WDR49: variants seen among roughly 807,000 people sequenced by gnomAD.
WDR49 encodes cilia- and flagella-associated protein 337.
A neutral mutation model predicts 119.5 loss-of-function variants in WDR49; 107 were observed. The observed-to-expected ratio is 0.90, with a 90% CI of 0.77 to 1.05. The LOEUF (loss-of-function observed/expected upper bound fraction) is 1.05. WDR49 is among the 50% of genes least tolerant of loss of function. WDR49 has a pLI of 0.00. For missense variants in WDR49, 1,240 were observed against 1,220.5 expected, an observed-to-expected ratio of 1.02 and a Z score of -0.24; for synonymous variants, 425 against 418.8, an observed-to-expected ratio of 1.01 and a Z score of -0.18.
chr3:167,567,627 G>A (rs1364864400), intron 8 of WDR49, among the ~76,000 whole-genome samples: 2 of 151,952 alleles, frequency 1.3e-5, no homozygotes, highest in East Asian at 1.9e-4. Flanking sequence ...TAGCATTGAC[G>A]GTCCTTTTCA....
At chr3:167,643,915 T>C (rs949801334) in intron 2 of WDR49, among the ~76,000 whole-genome samples, 31 of 152,124 alleles carry the variant, frequency 2.0e-4, no homozygotes, top group Non-Finnish European at 3.2e-4. Context: ...AAAATAACTT[T>C]GGGAAATTAT....
Position 167,578,189 on chromosome 3 carries a change from G to A in WDR49, c.1276-2038C>T, listed in dbSNP as rs1714346734. On this transcript the variant is annotated intron_variant, in intron 7 of 18. Transcript: ENST00000682715. The stretch of plus-strand genomic sequence containing the variant: ...GATCTCACTACCACCTACCATGGTG[G>A]CCTCTTGATTCTCTCAATGTCTTTG... Among the ~76,000 whole-genome samples the A allele has an allele frequency of 2.0e-5, 3 of 151,974 alleles. No individual in the cohort carries two copies. The South Asian group carries it at 6.2e-4, about 32-fold the overall frequency.
chr3:167,655,075 C>T (rs935547239), upstream of WDR49, among the ~76,000 whole-genome samples: 1 of 152,112 alleles, frequency 6.6e-6, no homozygotes, highest in African/African-American at 2.4e-5. Flanking sequence ...GTTTAATTGA[C>T]TCATAATTTC....
rs1577282397 is a variant in WDR49, at chr3:167,620,535, A to C, written c.852T>G (p.Asp284Glu). Residue 284 changes from aspartate to glutamate, a missense_variant, in exon 5 of 19, where the codon GAT (aspartate) becomes GAG (glutamate). Asp to Glu is a conservative substitution (Grantham distance 45). Transcript: ENST00000682715. ...AGTTAATGGTCATAGTGGCTTCTCC[A>C]TCTTCACATGCACTAGCAGGCCGTT... ...LFERPASACE[D>E]GEATMTINWA... The C allele has an allele frequency of 2.0e-6, 3 of 1,535,818 alleles. No individual in the cohort carries two copies. Among genetic ancestry groups the C allele is most frequent in the Non-Finnish European group, 2.6e-6 (3 of 1,146,636 alleles).
chr3:167,545,726 G>A (rs1424589884), intron 10 of WDR49, among the ~76,000 whole-genome samples: 3 of 150,056 alleles, frequency 2.0e-5, no homozygotes. Context: ...GGGTGGAAGG[G>A]GAGTGAGGGA....
intron 5 of WDR49, among the ~76,000 whole-genome samples, chr3:167,612,979 TA>T (rs1363800416): frequency 6.6e-6 from 1 of 152,190 alleles, no homozygotes. Flanking sequence ...GACTATTGTT[TA>T]ATAGCACAAC....
At chr3:167,595,938 C>A (rs1715403975) in intron 7 of WDR49, among the ~76,000 whole-genome samples, 1 of 147,816 alleles carries the variant, frequency 6.8e-6, no homozygotes, top group South Asian at 2.2e-4. Context: ...AGGCAACCTA[C>A]AAAATGGGAG....
chr3:167,516,470 A>G (rs916843855), intron 16 of WDR49, among the ~76,000 whole-genome samples: 6 of 152,124 alleles, frequency 3.9e-5, no homozygotes, highest in Non-Finnish European at 2.9e-5. Context: ...TGGTGTATAT[A>G]TGCCACATTT....
At chr3:167,651,274 C>A (rs1210985940) in intron 2 of WDR49, among the ~76,000 whole-genome samples, 1 of 152,092 alleles carries the variant, frequency 6.6e-6, no homozygotes, top group Non-Finnish European at 1.5e-5. Context: ...AATCTGGTGC[C>A]AGAATCTTGA....
chr3:167,570,445 C>T (rs1475238170), intron 8 of WDR49, among the ~76,000 whole-genome samples: 2 of 152,032 alleles, frequency 1.3e-5, no homozygotes, highest in East Asian at 1.9e-4. Flanking sequence ...TACCTCATCC[C>T]TCATTTTTTA....
intron 14 of WDR49, 69 bp downstream of exon 14, chr3:167,528,983 T>C (rs1012516021): frequency 7.5e-6 from 10 of 1,330,144 alleles, no homozygotes; most frequent in African/African-American, 1.5e-5. Context: ...CAAGGCTTGA[T>C]TCATAGTTAC....
chr3:167,487,489 C>T (rs1350887982), intron 18 of WDR49, among the ~76,000 whole-genome samples: 1 of 151,806 alleles, frequency 6.6e-6, no homozygotes, highest in African/African-American at 2.4e-5. Flanking sequence ...TTTGGCTAAG[C>T]CCCCAAAAGC....
chr3:167,553,508 T>C (rs1712702166), intron 10 of WDR49, among the ~76,000 whole-genome samples: 3 of 152,168 alleles, frequency 2.0e-5, no homozygotes, highest in Admixed American at 6.6e-5. Context: ...ATTAAGGAAA[T>C]GGCATTGCCA....
At chr3:167,591,763 T>C (rs928390026) in intron 7 of WDR49, among the ~76,000 whole-genome samples, 2 of 152,158 alleles carry the variant, frequency 1.3e-5, no homozygotes, top group African/African-American at 4.8e-5. Flanking sequence ...CCTTCCTTTA[T>C]TTTCAGTCAG....
chr3:167,479,509 T>C (rs1750614539), intron 18 of WDR49, among the ~76,000 whole-genome samples: 1 of 152,188 alleles, frequency 6.6e-6, no homozygotes, highest in Non-Finnish European at 1.5e-5. Flanking sequence ...TAGGAGGAAA[T>C]TGTGCCATAC....
chr3:167,528,151 C>T (rs1752703930), intron 14 of WDR49, 134 bp from the exon 15 acceptor site: 1 of 660,990 alleles, frequency 1.5e-6, no homozygotes, highest in African/African-American at 1.8e-5. Context: ...AAGAAAAGTT[C>T]ATGATAAAAG....
chr3:167,640,167 C>T (rs893451611), intron 2 of WDR49, among the ~76,000 whole-genome samples: 2 of 151,818 alleles, frequency 1.3e-5, no homozygotes, highest in East Asian at 1.9e-4. Context: ...TTTTTGCACC[C>T]GCATATATAA....
chr3:167,634,620 A>C (rs1717532024), intron 2 of WDR49, among the ~76,000 whole-genome samples: 1 of 151,832 alleles, frequency 6.6e-6, no homozygotes, highest in East Asian at 1.9e-4. Flanking sequence ...TGAGCTTTGT[A>C]AGATTTGGAT....
In WDR49 at chr3:167,621,572, T is replaced by C. The variant is rs1051870996; in HGVS notation, c.678A>G (p.Gln226=). The part of the protein sequence containing the change: ...DLLSKEEFAC[Q]YKLQGLKGTP... ...TTCCTTTCAGGCCTTGGAGTTTGTA[T>C]TGGCAAGCAAATTCTTCTTTGGACA... The change falls in exon 4 of 19, where the codon CAA becomes CAG. Residue 226 remains glutamine, a synonymous_variant. Coordinates refer to ENST00000682715, the MANE Select transcript of WDR49 (RefSeq NM_001366157.1). 43 of 1,535,408 alleles carry C rather than the reference T, an allele frequency of 2.8e-5. No homozygotes were observed. In the East Asian group the frequency reaches 9.8e-4, roughly 35 times the overall value.
Sources: allele counts gnomAD v4.1 joint callset (sites outside exome capture counted in the v4.1 genomes callset), GRCh38; gene constraint gnomAD v4.1.1; transcripts MANE v1.5; gene names NCBI Gene and HGNC (gene_info 2026-07-23, HGNC 2026-07-21).